PRMT9: variants seen among roughly 807,000 people sequenced by gnomAD.
PRMT9 encodes protein arginine methyltransferase 9, also known as protein arginine N-methyltransferase 9.
In PRMT9, 59 loss-of-function variants were observed where a neutral mutation model predicts 83.2. The observed-to-expected ratio is 0.71, with a 90% confidence interval of 0.57 to 0.88. The LOEUF is 0.88. PRMT9 is among the 40% of genes least tolerant of loss of function. The probability of loss-of-function intolerance (pLI) is 0.00; values close to 1 mark genes in which losing one functional copy is unlikely to be tolerated. For synonymous variants in PRMT9, 333 were observed against 353.2 expected (o/e 0.94, Z 0.64); for missense variants, 947 against 1,021.9 (o/e 0.93, Z 1.00).
At chr4:147,666,881 C>A (rs916959246) in intron 6 of PRMT9, among the ~76,000 whole-genome samples, 1 of 147,838 alleles carries the variant, frequency 6.8e-6, no homozygotes, top group South Asian at 2.2e-4. Context: ...TACACCTATT[C>A]AATCAAACTG....
intron 1 of PRMT9, among the ~76,000 whole-genome samples, chr4:147,682,062 A>G (rs7673515): frequency 0.96 from 146,193 of 152,322 alleles, 70,454 homozygotes; most frequent in East Asian, 1. Context: ...CTGGAGTGCA[A>G]TGGCACAATC....
chr4:147,679,218 G>T (rs1303425006), intron 2 of PRMT9, among the ~76,000 whole-genome samples: 1 of 152,190 alleles, frequency 6.6e-6, no homozygotes, highest in African/African-American at 2.4e-5. Flanking sequence ...GATCGCTTGA[G>T]CCCAGGAGTT....
Position 147,638,305 on chromosome 4 carries a change from A to G in PRMT9, c.*227T>C. The G allele has an allele frequency of 1.9e-6, 1 of 538,108 alleles. No homozygotes were observed. 33.3% of individuals were successfully genotyped at this position (538,108 alleles called of 1,614,324 possible). ...AAAATCGAGCAAAAGAAGTTTCCTAATTTAAAAAACTAGTGATGTATCCTT... is the reference window on the plus strand; with the variant it reads ...AAAATCGAGCAAAAGAAGTTTCCTAGTTTAAAAAACTAGTGATGTATCCTT... On this transcript the variant is annotated 3_prime_UTR_variant, in exon 12 of 12. Transcript: ENST00000322396.
rs1478287962 is a variant in PRMT9 at position 147,654,648 on chromosome 4, A to G, written c.1331-82T>C. On this transcript the variant is annotated intron_variant, in intron 8 of 11. Coordinates refer to ENST00000322396, the MANE Select transcript of PRMT9 (RefSeq NM_138364.4). ...ACATAAACATCTCCATCCTCCATCTAGCCCCCCATTCTTTAGATCACTATA... is the reference window on the plus strand; with the variant it reads ...ACATAAACATCTCCATCCTCCATCTGGCCCCCCATTCTTTAGATCACTATA... The G allele has an allele frequency of 7.0e-6, 6 of 860,828 alleles. No homozygotes were observed. In the East Asian group the frequency reaches 1.2e-4, roughly 17 times the overall value. The allele number at this position is 860,828 out of a possible 1,614,324, so 53.3% of individuals were successfully genotyped here.
chr4:147,642,897 G>A lies in PRMT9; in HGVS notation c.2089C>T (p.Leu697=). The change falls in exon 10 of 12, where the codon CTG becomes TTG. Residue 697 remains leucine, a synonymous_variant. Coordinates refer to ENST00000322396, the MANE Select transcript of PRMT9 (RefSeq NM_138364.4). ...GATTCCACAAGCAACCCAAACATCA[G>A]CACATACTGAGGAAAGATCTTGCCT... ...SGGKIFPQYV[L]MFGLLVESQT... is the part of the protein sequence containing the mutation. 6.2e-7 allele frequency: 1 copy of A among 1,613,976 alleles called. No homozygotes were observed. The highest frequency in any genetic ancestry group is 1.6e-4 in the Middle Eastern group (1 of 6,062).
intron 6 of PRMT9, among the ~76,000 whole-genome samples, chr4:147,666,635 T>C (rs1578919175): frequency 6.6e-6 from 1 of 152,234 alleles, no homozygotes; most frequent in South Asian, 2.1e-4. Context: ...AAGGCAAGTT[T>C]AGTTTCCTTG....
chr4:147,654,882 G>A (rs148129413), intron 8 of PRMT9, among the ~76,000 whole-genome samples: 3 of 152,274 alleles, frequency 2.0e-5, no homozygotes, highest in Non-Finnish European at 2.9e-5. Flanking sequence ...TGGGGTGTTG[G>A]TGGAGTACTG....
At position 147,638,346 on chromosome 4, in the gene PRMT9, C is replaced by T; in HGVS notation, c.*186G>A. The T allele has an allele frequency of 1.7e-6, 1 of 598,356 alleles. No individual in the cohort carries two copies. The highest frequency in any genetic ancestry group is 3.0e-6 in the Non-Finnish European group (1 of 338,920). 37.1% of individuals were successfully genotyped at this position (598,356 alleles called of 1,614,324 possible). On this transcript the variant is annotated 3_prime_UTR_variant, in exon 12 of 12. Transcript: ENST00000322396. Reference sequence around the variant, plus strand: ...ATGTATCCTTTTCCAGAAAGCAAATCTGCAGCAGTATTTCTATAATAATGC... The same window carrying T: ...ATGTATCCTTTTCCAGAAAGCAAATTTGCAGCAGTATTTCTATAATAATGC...
chr4:147,680,205 A>T (rs1736372720), intron 2 of PRMT9, 118 bp downstream of exon 2: 2 of 955,366 alleles, frequency 2.1e-6, no homozygotes, highest in Non-Finnish European at 1.7e-6. Flanking sequence ...TATTCTTTTC[A>T]ATTCTCCTTA....
In PRMT9 at chr4:147,670,671, A is replaced by C; in HGVS notation, c.816T>G (p.His272Gln). The C allele has an allele frequency of 1.9e-6, 3 of 1,613,238 alleles. No individual in the cohort carries two copies. Among genetic ancestry groups the C allele is most frequent in the Non-Finnish European group, 2.5e-6 (3 of 1,179,264 alleles). The change falls in exon 5 of 12, where the codon CAT becomes CAG. Residue 272 changes from histidine (H) to glutamine (Q), a missense_variant. Coordinates refer to ENST00000322396, the MANE Select transcript of PRMT9 (RefSeq NM_138364.4). Reference protein sequence around the residue: ...FGEGIVESLIHAWEHLLLQPK... With the variant: ...FGEGIVESLIQAWEHLLLQPK... Reference sequence around the variant, plus strand: ...GCTGTAAAAGTAAATGCTCCCATGCATGAATCAAACTCTCCACAATTCCTT... The same window carrying C: ...GCTGTAAAAGTAAATGCTCCCATGCCTGAATCAAACTCTCCACAATTCCTT...
intron 2 of PRMT9, among the ~76,000 whole-genome samples, chr4:147,675,835 GAT>G (rs1355959537): frequency 6.6e-6 from 1 of 152,098 alleles, no homozygotes; most frequent in African/African-American, 2.4e-5. Context: ...GTTTAAATCT[GAT>G]GCTACTGGAC....
At chr4:147,641,717 A>G (rs1733414690) in intron 10 of PRMT9, among the ~76,000 whole-genome samples, 1 of 152,168 alleles carries the variant, frequency 6.6e-6, no homozygotes, top group African/African-American at 2.4e-5. Flanking sequence ...GCTGGAGTGC[A>G]GTGTCGTGAT....
At position 147,661,042 on chromosome 4, in the gene PRMT9, G is replaced by T. The variant is rs80267440; in HGVS notation, c.954-4C>A. On this transcript the variant is annotated splice_region_variant and splice_polypyrimidine_tract_variant and intron_variant, in intron 6 of 11. Coordinates refer to ENST00000322396, the MANE Select transcript of PRMT9 (RefSeq NM_138364.4). ...AGCAATGTCCTTAATACCCACTCTGGAGAGAGAGAAAATAGGGGAGGGGTA... is the reference window on the plus strand; with the variant it reads ...AGCAATGTCCTTAATACCCACTCTGTAGAGAGAGAAAATAGGGGAGGGGTA... 39,749 of 1,599,012 alleles carry T rather than the reference G, an allele frequency of 0.025. 1,653 individuals are homozygous for T. The highest frequency in any genetic ancestry group is 0.21 in the East Asian group (9,365 of 44,714).
intron 7 of PRMT9, among the ~76,000 whole-genome samples, chr4:147,659,212 C>A (rs1734763448): frequency 6.7e-6 from 1 of 149,286 alleles, no homozygotes; most frequent in African/African-American, 2.5e-5. Context: ...ACCAGCCTGG[C>A]CAACATGGTG....
intron 10 of PRMT9, among the ~76,000 whole-genome samples, chr4:147,641,015 C>T (rs78315498): frequency 0.01 from 1,597 of 152,230 alleles, 41 homozygotes; most frequent in African/African-American, 0.037. Flanking sequence ...ACCAGCCCTA[C>T]CTTTAAAATA....
chr4:147,654,718 A>C, intron 8 of PRMT9, 152 bp from the exon 9 acceptor site: 1 of 631,078 alleles, frequency 1.6e-6, no homozygotes, highest in East Asian at 2.7e-5. Context: ...AACTAGGAAA[A>C]CTCTACCAGA....
chr4:147,653,387 A>G (rs955392117), intron 9 of PRMT9, among the ~76,000 whole-genome samples: 13 of 151,908 alleles, frequency 8.6e-5, no homozygotes, highest in Admixed American at 2.6e-4. Context: ...GGTTGCAGTG[A>G]GCCGAGATTG....
intron 5 of PRMT9, among the ~76,000 whole-genome samples, chr4:147,670,184 TTTTGTTTTG>T: frequency 6.6e-6 from 1 of 152,078 alleles, no homozygotes; most frequent in East Asian, 1.9e-4. Context: ...TTTTGTTTTG[TTTTGTTTTG>T]TTTGAGACGG....
chr4:147,656,771 C>CAAAAAAAAAAAAAAAA (rs1023416920), intron 8 of PRMT9, among the ~76,000 whole-genome samples: 11 of 47,924 alleles, frequency 2.3e-4, no homozygotes, highest in East Asian at 7.0e-4. Flanking sequence ...GACTCTGTCT[C>CAAAAAAAAAAAAAAAA]AAAAAAAAAA....
Sources: allele counts gnomAD v4.1 joint callset (sites outside exome capture counted in the v4.1 genomes callset), GRCh38; gene constraint gnomAD v4.1.1; transcripts MANE v1.5; gene names NCBI Gene and HGNC (gene_info 2026-07-23, HGNC 2026-07-21).